The following PRRX2 variants were observed in gnomAD, a reference collection of about 807,000 sequenced individuals.
PRRX2 encodes paired related homeobox 2, also known as paired mesoderm homeobox protein 2.
A neutral mutation model predicts 18.0 loss-of-function variants in PRRX2; 11 were observed. That is an observed-to-expected ratio of 0.61 (90% CI 0.39 to 1.01). PRRX2 has a LOEUF of 1.01. Among genes scored for constraint, PRRX2 ranks in the 50% least tolerant of loss-of-function variants. PRRX2 has a pLI of 0.01. For synonymous variants in PRRX2, 177 were observed against 154.8 expected (o/e 1.14, Z -1.06); for missense variants, 387 against 351.0 (o/e 1.10, Z -0.82).
intron 1 of PRRX2, among the ~76,000 whole-genome samples, chr9:129,707,688 G>A (rs1402571768): frequency 6.6e-6 from 1 of 151,308 alleles, no homozygotes; most frequent in Admixed American, 6.6e-5. Context: ...CTACCAGGGA[G>A]GCTGAGGCAG....
chr9:129,707,814 T>C (rs1395832109), intron 1 of PRRX2, among the ~76,000 whole-genome samples: 1 of 151,824 alleles, frequency 6.6e-6, no homozygotes, highest in Non-Finnish European at 1.5e-5. Flanking sequence ...AATGCTGCTA[T>C]GGACATATGT....
chr9:129,705,239 C>G (rs1832542759), intron 1 of PRRX2, among the ~76,000 whole-genome samples: 1 of 151,720 alleles, frequency 6.6e-6, no homozygotes. Flanking sequence ...ACCCCCAGCT[C>G]CTAGTGCAGA....
chr9:129,699,439 ATGTGTGTGTGTGTGTG>A (rs3138854), intron 1 of PRRX2, among the ~76,000 whole-genome samples: 1 of 145,504 alleles, frequency 6.9e-6, no homozygotes, highest in African/African-American at 2.5e-5. Flanking sequence ...AAATATATAT[ATGTGTGTGTGTGTGTG>A]TGTGTGTGTG....
intron 1 of PRRX2, among the ~76,000 whole-genome samples, chr9:129,673,246 C>CAAGCTT (rs1832122151): frequency 6.6e-6 from 1 of 152,160 alleles, no homozygotes; most frequent in African/African-American, 2.4e-5. Flanking sequence ...ACCAAAAGTT[C>CAAGCTT]AAGACCAGCT....
intron 1 of PRRX2, among the ~76,000 whole-genome samples, chr9:129,668,301 A>G (rs1490169876): frequency 2.0e-5 from 3 of 152,136 alleles, no homozygotes; most frequent in Admixed American, 6.5e-5. Context: ...ACCCTTTGAA[A>G]GTGGGCAGCC....
intron 1 of PRRX2, among the ~76,000 whole-genome samples, chr9:129,697,536 T>A (rs1296094855): frequency 2.7e-5 from 4 of 150,940 alleles, no homozygotes; most frequent in Admixed American, 6.6e-5. Context: ...CGCGGCGCGC[T>A]CGCACGCACT....
In PRRX2 at chr9:129,715,293, G is replaced by T. The variant is rs1806847672; in HGVS notation, c.260-3938G>T. ...TCATTGACGTGGGGGCCTGTCCTGTGTCTTGAAAGATATTTAGCAAGGCCA... is the reference window on the plus strand; with the variant it reads ...TCATTGACGTGGGGGCCTGTCCTGTTTCTTGAAAGATATTTAGCAAGGCCA... On this transcript the variant is annotated intron_variant, in intron 1 of 3. Transcript: ENST00000372469. The surrounding 1 kb of genome is among the most constrained non-coding windows in gnomAD (Gnocchi z 4.0). Among the ~76,000 whole-genome samples the T allele has an allele frequency of 6.6e-6, 1 of 152,146 alleles. No homozygotes were observed. Among genetic ancestry groups the T allele is most frequent in the African/African-American group, 2.4e-5 (1 of 41,452 alleles).
At chr9:129,719,519 CA>C in intron 2 of PRRX2, 101 bp downstream of exon 2, 1 of 1,341,136 alleles carries the variant, frequency 7.5e-7, no homozygotes, top group Non-Finnish European at 9.7e-7. Flanking sequence ...GGTGTTTGAG[CA>C]GGAGCATCTG....
Position 129,675,536 on chromosome 9 carries a change from A to G in PRRX2, c.259+9410A>G, listed in dbSNP as rs571677589. ...CTCCCTCCCCCATGGGGTCCCCTCA[A>G]AGGGCTCTCTTGGGGATGGGGATCC... On this transcript the variant is annotated intron_variant, in intron 1 of 3. Coordinates refer to ENST00000372469, the MANE Select transcript of PRRX2 (RefSeq NM_016307.4). This position sits in a 1 kb window ranked among gnomAD's most constrained non-coding sequence, Gnocchi z 4.4. Among the ~76,000 whole-genome samples the G allele has an allele frequency of 3.8e-3, 572 of 150,886 alleles. 4 individuals carry two copies. The highest frequency in any genetic ancestry group is 0.013 in the African/African-American group (538 of 41,022).
rs145779250 is a variant in PRRX2 at position 129,720,662 on chromosome 9, G to A, written c.514G>A (p.Ala172Thr). Reference sequence around the variant, plus strand: ...AAGGGCCATGCTGGCCAGCCGCTCTGCCTCGCTGCTCAAGTCCTACAGCCA... The same window carrying A: ...AAGGGCCATGCTGGCCAGCCGCTCTACCTCGCTGCTCAAGTCCTACAGCCA... ...NERAMLASRS[A>T]SLLKSYSQEA... is the part of the protein sequence containing the mutation. The change falls in exon 3 of 4, where the codon GCC (alanine) becomes ACC (threonine). Residue 172 changes from alanine (A) to threonine (T), a missense_variant. Coordinates refer to ENST00000372469, the MANE Select transcript of PRRX2 (RefSeq NM_016307.4). 6.2e-7 allele frequency: 1 copy of A among 1,613,540 alleles called. No individual in the cohort carries two copies. The highest frequency in any genetic ancestry group is 8.5e-7 in the Non-Finnish European group (1 of 1,179,864).
intron 1 of PRRX2, among the ~76,000 whole-genome samples, chr9:129,691,785 C>T (rs923689032): frequency 4.0e-5 from 6 of 150,880 alleles, no homozygotes; most frequent in African/African-American, 1.5e-4. Context: ...CTCAAGCCAT[C>T]CTCCCACCTC....
chr9:129,680,880 A>G (rs1213129387), intron 1 of PRRX2, among the ~76,000 whole-genome samples: 1 of 152,252 alleles, frequency 6.6e-6, no homozygotes, highest in Non-Finnish European at 1.5e-5. Flanking sequence ...CACAAATGGT[A>G]ACCATATATA....
chr9:129,719,161 G>A (rs1832752340), intron 1 of PRRX2, 70 bp from the exon 2 acceptor site: 2 of 1,400,406 alleles, frequency 1.4e-6, no homozygotes, highest in Non-Finnish European at 1.9e-6. Flanking sequence ...AAACTGCAGA[G>A]TTGGGGGCTG....
chr9:129,719,116 C>T (rs969526097), intron 1 of PRRX2, 115 bp from the exon 2 acceptor site: 4 of 982,650 alleles, frequency 4.1e-6, no homozygotes, highest in African/African-American at 1.7e-5. Flanking sequence ...ATTAAAGGGA[C>T]GCATTCCTGG....
At chr9:129,720,539 A>G (rs1273181031) in intron 2 of PRRX2, 57 bp from the exon 3 acceptor site, 2 of 1,488,756 alleles carry the variant, frequency 1.3e-6, no homozygotes, top group Non-Finnish European at 9.1e-7. Flanking sequence ...ACCCAGGTCC[A>G]GAAGGACTTG....
At chr9:129,674,987 C>T (rs1046906408) in intron 1 of PRRX2, among the ~76,000 whole-genome samples, 3 of 152,150 alleles carry the variant, frequency 2.0e-5, no homozygotes, top group Admixed American at 6.5e-5. Flanking sequence ...CCCTGCCTAG[C>T]GATTCTTGTA....
At chr9:129,713,623 CT>C (rs900418720) in intron 1 of PRRX2, among the ~76,000 whole-genome samples, 4 of 151,492 alleles carry the variant, frequency 2.6e-5, no homozygotes, top group African/African-American at 9.7e-5. Context: ...CGATTTCTTC[CT>C]TTTTTTTCTT....
chr9:129,683,312 T>G (rs1288301643), intron 1 of PRRX2, among the ~76,000 whole-genome samples: 1 of 152,152 alleles, frequency 6.6e-6, no homozygotes, highest in Non-Finnish European at 1.5e-5. Flanking sequence ...ATATTGACAT[T>G]TCCATTTTAG....
chr9:129,721,484 G>T (rs1326693033), intron 3 of PRRX2, among the ~76,000 whole-genome samples: 1 of 152,090 alleles, frequency 6.6e-6, no homozygotes, highest in Non-Finnish European at 1.5e-5. Flanking sequence ...GGGATTTCGT[G>T]GGTCCGCTTG....
Sources: allele counts gnomAD v4.1 joint callset (sites outside exome capture counted in the v4.1 genomes callset), GRCh38; gene constraint gnomAD v4.1.1; non-coding constraint Gnocchi (gnomAD v3.1); transcripts MANE v1.5; gene names NCBI Gene and HGNC (gene_info 2026-07-23, HGNC 2026-07-21).